Variants in RRM1 observed in about 807,000 individuals in gnomAD.
RRM1 encodes the protein ribonucleoside-diphosphate reductase large subunit.
A neutral mutation model predicts 101.5 loss-of-function variants in RRM1; 19 were observed. The ratio of observed to expected loss-of-function variants is 0.19; its 90% CI spans 0.13 to 0.27. The LOEUF (loss-of-function observed/expected upper bound fraction) is 0.27, where lower values mean the gene tolerates loss of function less well. Ranked by LOEUF, RRM1 falls within the 10% of genes least tolerant of loss-of-function variation. The probability of loss-of-function intolerance (pLI) is 1.00; values close to 1 mark genes in which losing one functional copy is unlikely to be tolerated. For synonymous variants in RRM1, 298 were observed against 323.4 expected, an observed-to-expected ratio of 0.92 and a Z score of 0.84; for missense variants, 500 against 962.9, an observed-to-expected ratio of 0.52 and a Z score of 6.36.
intron 7 of RRM1, 134 bp downstream of exon 7, chr11:4,112,196 C>T (rs979373409): frequency 9.4e-6 from 6 of 637,088 alleles, no homozygotes; most frequent in African/African-American, 1.8e-5. Context: ...CTGGAAAGAT[C>T]TCTGACTGTA....
At chr11:4,099,951 C>G (rs114372858) in intron 1 of RRM1, among the ~76,000 whole-genome samples, 12 of 152,048 alleles carry the variant, frequency 7.9e-5, no homozygotes, top group African/African-American at 2.4e-4. Flanking sequence ...TTTCCCCCCC[C>G]ACTGCATGTA....
chr11:4,105,704 A>G, intron 2 of RRM1: 1 of 378,838 alleles, frequency 2.6e-6, no homozygotes, highest in Non-Finnish European at 4.9e-6. Context: ...GTGTACCACC[A>G]CACCCAGCTA....
intron 12 of RRM1, among the ~76,000 whole-genome samples, chr11:4,125,357 T>C (rs1035187974): frequency 6.6e-6 from 1 of 152,230 alleles, no homozygotes; most frequent in Non-Finnish European, 1.5e-5. Context: ...TCCATAGGAA[T>C]GGAGTCATAT....
At chr11:4,137,217 C>T in intron 18 of RRM1, 1 of 260,610 alleles carries the variant, frequency 3.8e-6, no homozygotes, top group Non-Finnish European at 7.5e-6. Flanking sequence ...CTTTTCCCCA[C>T]CTTTCCCGCC....
chr11:4,136,717 C>T (rs916441574), intron 18 of RRM1, among the ~76,000 whole-genome samples: 1 of 149,694 alleles, frequency 6.7e-6, no homozygotes, highest in Admixed American at 6.7e-5. Flanking sequence ...CCACAGCGCC[C>T]AGCCAGGAAT....
chr11:4,122,350 T>C, intron 11 of RRM1, 130 bp downstream of exon 11: 2 of 625,108 alleles, frequency 3.2e-6, no homozygotes, highest in Non-Finnish European at 5.2e-6. Context: ...CTAATAATTT[T>C]GGTCAGATTT....
intron 1 of RRM1, among the ~76,000 whole-genome samples, chr11:4,101,557 A>AC (rs200112921): frequency 0.11 from 4,673 of 42,254 alleles, 677 homozygotes; most frequent in African/African-American, 0.27. Flanking sequence ...CCAGTGATCC[A>AC]CACCCCCCCC....
intron 2 of RRM1, among the ~76,000 whole-genome samples, chr11:4,102,383 C>T (rs930258321): frequency 3.9e-5 from 6 of 152,148 alleles, no homozygotes; most frequent in African/African-American, 4.8e-5. Context: ...CTAGGCCAGG[C>T]GCCGTGGCTC....
chr11:4,116,594 AAAC>A (rs1326697720), intron 7 of RRM1, among the ~76,000 whole-genome samples: 4 of 152,124 alleles, frequency 2.6e-5, no homozygotes, highest in East Asian at 1.9e-4. Context: ...TCTGTCTCAA[AAAC>A]AACAACAACA....
intron 1 of RRM1, chr11:4,099,183 C>A (rs569640131): frequency 6.6e-6 from 1 of 152,050 alleles, no homozygotes; most frequent in South Asian, 2.1e-4. Flanking sequence ...TGCTCTGTTG[C>A]CCAGGCTGGA....
Position 4,129,392 on chromosome 11 carries a change from T to C in RRM1, c.1769+242T>C, listed in dbSNP as rs1376501589. On this transcript the variant is annotated intron_variant, in intron 15 of 18. Coordinates refer to ENST00000300738, the MANE Select transcript of RRM1 (RefSeq NM_001033.5). ...ACCTGGTAGGAATTACTATTATTAGTTGATCTTATTTTAGGGACTTAACAC... is the reference window on the plus strand; with the variant it reads ...ACCTGGTAGGAATTACTATTATTAGCTGATCTTATTTTAGGGACTTAACAC... Among the ~76,000 whole-genome samples, 3 of 152,316 alleles carry C rather than the reference T, an allele frequency of 2.0e-5. 1 individual carries two copies. Among genetic ancestry groups the C allele is most frequent in the African/African-American group, 7.2e-5 (3 of 41,588 alleles).
intron 11 of RRM1, among the ~76,000 whole-genome samples, chr11:4,122,681 T>A (rs1413811882): frequency 1.3e-5 from 2 of 152,124 alleles, no homozygotes; most frequent in Admixed American, 1.3e-4. Flanking sequence ...AAGACCAGCC[T>A]GGCCAACATG....
intron 12 of RRM1, among the ~76,000 whole-genome samples, chr11:4,124,542 A>C (rs2094586533): frequency 6.6e-6 from 1 of 152,244 alleles, no homozygotes; most frequent in African/African-American, 2.4e-5. Flanking sequence ...GAAACTTCTA[A>C]TTTAGTTGGA....
Position 4,094,987 on chromosome 11 carries a change from C to T in RRM1, c.-26C>T, listed in dbSNP as rs1281050098. On this transcript the variant is annotated 5_prime_UTR_variant, in exon 1 of 19. Transcript: ENST00000300738. ...TAGAGCCGCAGTCCAGTCTTGGATCCTTCAGAGCCTCAGCCACTAGCTGCG... is the reference window on the plus strand; with the variant it reads ...TAGAGCCGCAGTCCAGTCTTGGATCTTTCAGAGCCTCAGCCACTAGCTGCG... 1 of 1,558,628 alleles carries T rather than the reference C, an allele frequency of 6.4e-7. No individual in the cohort carries two copies.
intron 7 of RRM1, 48 bp from the exon 8 acceptor site, chr11:4,118,272 C>CT (rs2094576704): frequency 6.7e-7 from 1 of 1,495,172 alleles, no homozygotes. Context: ...ATTTTTGTGA[C>CT]TCTGCTTCAT....
intron 1 of RRM1, among the ~76,000 whole-genome samples, chr11:4,097,296 A>C (rs2094545028): frequency 6.6e-6 from 1 of 151,222 alleles, no homozygotes; most frequent in Non-Finnish European, 1.5e-5. Context: ...AAAAAAAAAA[A>C]AAAAACCACA....
chr11:4,129,302 A>G (rs1489008857), intron 15 of RRM1, 152 bp downstream of exon 15: 1 of 516,534 alleles, frequency 1.9e-6, no homozygotes, highest in Admixed American at 3.7e-5. Flanking sequence ...ATTTTGGGAA[A>G]AAACTTCGTA....
intron 12 of RRM1, among the ~76,000 whole-genome samples, chr11:4,125,209 G>A (rs373416619): frequency 9.9e-5 from 15 of 152,016 alleles, no homozygotes; most frequent in African/African-American, 3.4e-4. Context: ...CACCGTGACC[G>A]GCCTGTAGTA....
At chr11:4,120,425 G>GCGATCTTGGCT in intron 9 of RRM1, among the ~76,000 whole-genome samples, 1 of 151,668 alleles carries the variant, frequency 6.6e-6, no homozygotes, top group African/African-American at 2.4e-5. Context: ...GTGCAATGGT[G>GCGATCTTGGCT]CGATCTTGGC....
Sources: gnomAD v4.1 joint callset for allele counts (sites outside exome capture counted in the v4.1 genomes callset) on GRCh38, gnomAD v4.1.1 for gene constraint, MANE v1.5 for transcripts, NCBI Gene and HGNC (gene_info 2026-07-23, HGNC 2026-07-21) for gene names.